Variants in HACD1 observed in about 807,000 individuals in gnomAD.
The protein encoded by HACD1 is 3-hydroxyacyl-CoA dehydratase 1.
In HACD1, 41 loss-of-function variants were observed where a neutral mutation model predicts 32.0. The observed-to-expected ratio is 1.28, with a 90% confidence interval of 1.00 to 1.66. The LOEUF (loss-of-function observed/expected upper bound fraction) is 1.66, where lower values mean the gene tolerates loss of function less well. HACD1 is among the 40% of genes most tolerant of loss of function. The pLI is 0.00. For missense variants in HACD1, 396 were observed against 380.1 expected, an observed-to-expected ratio of 1.04 and a Z score of -0.35; for synonymous variants, 142 against 139.0, an observed-to-expected ratio of 1.02 and a Z score of -0.15.
chr10:17,593,604 G>A (rs140412756), intron 6 of HACD1, among the ~76,000 whole-genome samples: 118 of 152,266 alleles, frequency 7.7e-4, no homozygotes, highest in African/African-American at 2.4e-3. Flanking sequence ...CATGAGCCAC[G>A]GAGCCCTGCC....
chr10:17,597,630 C>T (rs1177393044), intron 5 of HACD1, among the ~76,000 whole-genome samples: 2 of 152,136 alleles, frequency 1.3e-5, no homozygotes, highest in Non-Finnish European at 2.9e-5. Flanking sequence ...TTTGTAAATT[C>T]AGCACATGAA....
intron 6 of HACD1, among the ~76,000 whole-genome samples, chr10:17,593,971 A>G (rs1463145497): frequency 6.6e-6 from 1 of 152,222 alleles, no homozygotes; most frequent in Non-Finnish European, 1.5e-5. Context: ...TGATTTTGAG[A>G]AAGCAATAAT....
In HACD1 at chr10:17,603,671, C is replaced by A. The variant is rs370580269; in HGVS notation, c.395-23G>T. On this transcript the variant is annotated intron_variant, in intron 3 of 6. Coordinates refer to ENST00000361271, the MANE Select transcript of HACD1 (RefSeq NM_014241.4). ...TTCCTTAAAAAGAAAAACAAGTGAA[C>A]TATTGCCCTAAAGGCAATTTATAAT... 8 of 1,607,232 alleles carry A rather than the reference C, an allele frequency of 5.0e-6. 1 individual carries two copies. In the South Asian group the frequency reaches 8.8e-5, roughly 18 times the overall value.
At chr10:17,592,030 G>GGAGT (rs1414355183) in intron 6 of HACD1, among the ~76,000 whole-genome samples, 1 of 126,604 alleles carries the variant, frequency 7.9e-6, no homozygotes, top group African/African-American at 3.1e-5. Context: ...CACTCAGGCT[G>GGAGT]GAGTGCAGTG....
At chr10:17,598,259 CAAA>C (rs34543137) in intron 5 of HACD1, among the ~76,000 whole-genome samples, 25 of 89,840 alleles carry the variant, frequency 2.8e-4, no homozygotes, top group South Asian at 4.5e-4. Context: ...GACCCTGTCT[CAAA>C]AAAAAAAAAA....
chr10:17,606,412 A>G (rs1438449539), intron 1 of HACD1, among the ~76,000 whole-genome samples: 2 of 152,204 alleles, frequency 1.3e-5, no homozygotes. Context: ...TTTAAGTTTA[A>G]GCAACTTACC....
intron 5 of HACD1, 26 bp downstream of exon 5, chr10:17,599,264 G>A: frequency 6.2e-7 from 1 of 1,612,570 alleles, no homozygotes; most frequent in Non-Finnish European, 8.5e-7. Flanking sequence ...AGGACAAGGA[G>A]AAACTAAACT....
intron 6 of HACD1, among the ~76,000 whole-genome samples, chr10:17,593,941 A>T (rs1293599984): frequency 1.3e-5 from 2 of 152,200 alleles, no homozygotes; most frequent in East Asian, 3.8e-4. Context: ...TAAAAAAATC[A>T]TACTAAGCTG....
At chr10:17,594,743 C>A (rs1377013392) in intron 5 of HACD1, among the ~76,000 whole-genome samples, 1 of 151,876 alleles carries the variant, frequency 6.6e-6, no homozygotes, top group Non-Finnish European at 1.5e-5. Flanking sequence ...ACAGTCTTGG[C>A]TCACTGCAAC....
At chr10:17,598,162 AG>A in intron 5 of HACD1, among the ~76,000 whole-genome samples, 1 of 148,076 alleles carries the variant, frequency 6.8e-6, no homozygotes, top group African/African-American at 2.5e-5. Context: ...TGGGAGGCTG[AG>A]GCAGGAGAAT....
intron 1 of HACD1, among the ~76,000 whole-genome samples, chr10:17,605,815 G>T (rs1396858355): frequency 6.6e-6 from 1 of 151,686 alleles, no homozygotes; most frequent in African/African-American, 2.4e-5. Context: ...TTAGCCGGGT[G>T]TGCCGGTGGG....
At chr10:17,601,786 C>G (rs540317723) in intron 4 of HACD1, among the ~76,000 whole-genome samples, 17 of 152,196 alleles carry the variant, frequency 1.1e-4, no homozygotes, top group African/African-American at 4.1e-4. Context: ...GCATGGCAGT[C>G]GCTGTTTAGG....
At chr10:17,591,952 C>A (rs1412210300) in intron 6 of HACD1, among the ~76,000 whole-genome samples, 1 of 150,074 alleles carries the variant, frequency 6.7e-6, no homozygotes, top group Non-Finnish European at 1.5e-5. Flanking sequence ...GAGTTCAAAC[C>A]CTGCCTTAAC....
chr10:17,599,710 C>A (rs1834042849), intron 4 of HACD1, among the ~76,000 whole-genome samples: 1 of 152,110 alleles, frequency 6.6e-6, no homozygotes, highest in Non-Finnish European at 1.5e-5. Context: ...AAAATCTGAC[C>A]CTCCTACTTC....
At chr10:17,601,926 T>G (rs948208754) in intron 4 of HACD1, among the ~76,000 whole-genome samples, 1 of 151,502 alleles carries the variant, frequency 6.6e-6, no homozygotes, top group Non-Finnish European at 1.5e-5. Flanking sequence ...AGAGAAGAGG[T>G]CAGGTGTCAG....
At chr10:17,608,924 A>T (rs1361157683) in intron 1 of HACD1, among the ~76,000 whole-genome samples, 1 of 152,196 alleles carries the variant, frequency 6.6e-6, no homozygotes, top group Non-Finnish European at 1.5e-5. Context: ...GTCAAGCTGA[A>T]AGATTCATAA....
chr10:17,598,259 C>CAAAAAAAAAA (rs34543137), intron 5 of HACD1, among the ~76,000 whole-genome samples: 2 of 89,812 alleles, frequency 2.2e-5, no homozygotes, highest in Non-Finnish European at 4.1e-5. Context: ...GACCCTGTCT[C>CAAAAAAAAAA]AAAAAAAAAA....
intron 5 of HACD1, among the ~76,000 whole-genome samples, chr10:17,598,693 C>T (rs953823736): frequency 6.6e-6 from 1 of 152,174 alleles, no homozygotes; most frequent in Non-Finnish European, 1.5e-5. Flanking sequence ...TAATAACTTT[C>T]TAAAACGTCA....
intron 5 of HACD1, among the ~76,000 whole-genome samples, chr10:17,598,106 A>G (rs1834018723): frequency 6.6e-6 from 1 of 151,832 alleles, no homozygotes; most frequent in African/African-American, 2.4e-5. Flanking sequence ...CAAAAAATAC[A>G]AAAATTAGCC....
Sources: allele counts gnomAD v4.1 joint callset (sites outside exome capture counted in the v4.1 genomes callset), GRCh38; gene constraint gnomAD v4.1.1; transcripts MANE v1.5; gene names NCBI Gene and HGNC (gene_info 2026-07-23, HGNC 2026-07-21).